The following ADAMTS6 variants were observed in gnomAD, a reference collection of about 807,000 sequenced individuals.
ADAMTS6 encodes ADAM metallopeptidase with thrombospondin type 1 motif 6, also known as A disintegrin and metalloproteinase with thrombospondin motifs 6.
Under a neutral mutation model 144.3 loss-of-function variants are expected in ADAMTS6, and 23 were observed. The observed-to-expected ratio is 0.16, with a 90% CI of 0.11 to 0.23. The LOEUF (loss-of-function observed/expected upper bound fraction) is 0.23, where lower values mean the gene tolerates loss of function less well. Ranked by LOEUF, ADAMTS6 falls within the 10% of genes least tolerant of loss-of-function variation. The pLI is 1.00. For synonymous variants in ADAMTS6, 444 were observed against 457.5 expected, an observed-to-expected ratio of 0.97 and a Z score of 0.38; for missense variants, 999 against 1,379.6, an observed-to-expected ratio of 0.72 and a Z score of 4.37.
intron 7 of ADAMTS6, among the ~76,000 whole-genome samples, chr5:65,346,225 G>T (rs1201611612): frequency 1.3e-5 from 2 of 151,782 alleles, no homozygotes; most frequent in African/African-American, 4.8e-5. Flanking sequence ...CATTGATATA[G>T]ATGCAAAATT....
intron 7 of ADAMTS6, among the ~76,000 whole-genome samples, chr5:65,431,981 A>G (rs564796671): frequency 2.6e-5 from 4 of 152,108 alleles, no homozygotes; most frequent in African/African-American, 9.6e-5. Context: ...TTGAGAAGAG[A>G]TTTTGCGAGA....
intron 7 of ADAMTS6, among the ~76,000 whole-genome samples, chr5:65,361,749 T>C (rs1307149829): frequency 6.6e-6 from 1 of 152,098 alleles, no homozygotes; most frequent in Non-Finnish European, 1.5e-5. Flanking sequence ...TCTTTTTTTT[T>C]TTGAAACAGG....
At chr5:65,409,961 G>A (rs1384975328) in intron 7 of ADAMTS6, among the ~76,000 whole-genome samples, 2 of 151,884 alleles carry the variant, frequency 1.3e-5, no homozygotes, top group Non-Finnish European at 2.9e-5. Context: ...TTACATAAAA[G>A]GTTTGACCGC....
intron 7 of ADAMTS6, among the ~76,000 whole-genome samples, chr5:65,445,657 T>C (rs529580482): frequency 6.6e-6 from 1 of 152,180 alleles, no homozygotes; most frequent in South Asian, 2.1e-4. Flanking sequence ...CTTTCACTCT[T>C]AAAAGTGTCC....
intron 9 of ADAMTS6, among the ~76,000 whole-genome samples, chr5:65,302,391 T>C (rs1489228287): frequency 1.4e-5 from 2 of 147,886 alleles, no homozygotes; most frequent in Non-Finnish European, 3.0e-5. Flanking sequence ...TACATAAATA[T>C]ATATATTTTT....
chr5:65,459,499 A>G (rs1201531368), intron 4 of ADAMTS6, among the ~76,000 whole-genome samples: 1 of 152,144 alleles, frequency 6.6e-6, no homozygotes, highest in Non-Finnish European at 1.5e-5. Context: ...ATCCAGTTAC[A>G]TGAACTGTCT....
intron 7 of ADAMTS6, among the ~76,000 whole-genome samples, chr5:65,334,517 C>T (rs571920506): frequency 6.6e-6 from 1 of 152,180 alleles, no homozygotes; most frequent in South Asian, 2.1e-4. Context: ...GAGCTATAGG[C>T]ACTATTTGGA....
chr5:65,456,576 A>C (rs139504892), intron 4 of ADAMTS6, among the ~76,000 whole-genome samples: 1 of 152,280 alleles, frequency 6.6e-6, no homozygotes, highest in Admixed American at 6.5e-5. Context: ...TCCTCACTAG[A>C]ATATAAACTC....
chr5:65,332,323 A>AGAGAGAGAGAGAGAGAGT (rs1413273154), intron 8 of ADAMTS6, among the ~76,000 whole-genome samples: 5 of 148,458 alleles, frequency 3.4e-5, no homozygotes, highest in Non-Finnish European at 4.5e-5. Context: ...AGAGAGAGAG[A>AGAGAGAGAGAGAGAGAGT]GAGAGAGAGA....
chr5:65,243,754 A>C (rs1011704965), intron 14 of ADAMTS6, among the ~76,000 whole-genome samples: 4 of 152,128 alleles, frequency 2.6e-5, no homozygotes, highest in African/African-American at 9.7e-5. Context: ...ACAAGGACTA[A>C]AGTTGTTAGT....
At chr5:65,344,454 T>C (rs574864100) in intron 7 of ADAMTS6, among the ~76,000 whole-genome samples, 98 of 152,018 alleles carry the variant, frequency 6.4e-4, no homozygotes, top group East Asian at 1.7e-3. Context: ...CCAACATATT[T>C]TGAAAATCTT....
chr5:65,177,387 G>T (rs190154724), intron 22 of ADAMTS6, among the ~76,000 whole-genome samples: 15 of 152,216 alleles, frequency 9.9e-5, no homozygotes, highest in Admixed American at 7.2e-4. Context: ...TGCTTGCCTT[G>T]TTATACCCTG....
chr5:65,317,783 C>CAT (rs1432644983), intron 9 of ADAMTS6, among the ~76,000 whole-genome samples: 1 of 152,044 alleles, frequency 6.6e-6, no homozygotes. Context: ...AGAAGATATA[C>CAT]AAGTGGCAGG....
intron 12 of ADAMTS6, among the ~76,000 whole-genome samples, chr5:65,267,404 C>CCAT (rs1324158082): frequency 6.6e-6 from 1 of 151,944 alleles, no homozygotes; most frequent in African/African-American, 2.4e-5. Context: ...AGAAGTGAAG[C>CCAT]CATCATATTT....
chr5:65,262,706 A>G, intron 13 of ADAMTS6, 111 bp downstream of exon 13: 3 of 1,289,788 alleles, frequency 2.3e-6, no homozygotes, highest in Non-Finnish European at 3.0e-6. Context: ...TTCTGAAGAC[A>G]AGTACTTGGC....
intron 20 of ADAMTS6, among the ~76,000 whole-genome samples, chr5:65,207,449 C>T (rs1756184923): frequency 6.6e-6 from 1 of 152,026 alleles, no homozygotes; most frequent in Non-Finnish European, 1.5e-5. Flanking sequence ...TCTAACAGAA[C>T]AGGTACAAAG....
intron 7 of ADAMTS6, among the ~76,000 whole-genome samples, chr5:65,349,972 A>C (rs1466966586): frequency 1.3e-5 from 2 of 152,180 alleles, no homozygotes; most frequent in African/African-American, 2.4e-5. Flanking sequence ...ACTTCTATGA[A>C]ATCAACCACA....
rs1336370597 is a variant in ADAMTS6, at chr5:65,214,223, A to G, written c.2575+571T>C. On this transcript the variant is annotated intron_variant, in intron 20 of 24. Transcript: ENST00000381055. The surrounding 1 kb of genome is among the most constrained non-coding windows in gnomAD (Gnocchi z 4.6). ...ACCAACACATCACCAACCACCGCCT[A>G]GCAGCTACCTCTGAGGGACTGTAAT... is the stretch of plus-strand genomic sequence containing the variant. 5.5e-6 allele frequency: 1 copy of G among 180,230 alleles called. No homozygotes were observed. Among genetic ancestry groups the G allele is most frequent in the Admixed American group, 5.6e-5 (1 of 17,866 alleles). 11.2% of individuals were successfully genotyped at this position (180,230 alleles called of 1,614,324 possible). A position where few individuals can be genotyped will look rare whatever the true frequency, so the allele number is the denominator to read the frequency against.
In ADAMTS6 at chr5:65,273,456, G is replaced by A. The variant is rs369838995; in HGVS notation, c.1513-9C>T. On this transcript the variant is annotated splice_polypyrimidine_tract_variant and intron_variant, in intron 11 of 24. Transcript: ENST00000381055. ...AGCTCTCTACACACTTCCTAGGAAA[G>A]AAGGCAAAAGCAAGTTGATCAGAAA... 1.7e-5 allele frequency: 28 copies of A among 1,607,358 alleles called. No homozygotes were observed. The highest frequency in any genetic ancestry group is 2.4e-5 in the Non-Finnish European group (28 of 1,174,470).
Sources: allele counts gnomAD v4.1 joint callset (sites outside exome capture counted in the v4.1 genomes callset), GRCh38; gene constraint gnomAD v4.1.1; non-coding constraint Gnocchi (gnomAD v3.1); transcripts MANE v1.5; gene names NCBI Gene and HGNC (gene_info 2026-07-23, HGNC 2026-07-21).